Variants in GSK3B observed in about 807,000 individuals in gnomAD.
The protein encoded by GSK3B is glycogen synthase kinase 3 beta.
GSK3B carries 15 observed loss-of-function variants against 56.4 expected under a neutral mutation model. That is an observed-to-expected ratio of 0.27 (90% confidence interval 0.18 to 0.41). GSK3B has a LOEUF of 0.41. GSK3B is among the 10% of genes least tolerant of loss of function. The pLI is 1.00. For synonymous variants in GSK3B, 181 were observed against 188.9 expected (o/e 0.96, Z 0.34); for missense variants, 300 against 513.4 (o/e 0.58, Z 4.02).
intron 1 of GSK3B, among the ~76,000 whole-genome samples, chr3:120,078,116 A>T (rs551035378): frequency 6.6e-6 from 1 of 152,208 alleles, no homozygotes; most frequent in Admixed American, 6.5e-5. Flanking sequence ...ATCTATCATG[A>T]CCACAAACTT....
intron 2 of GSK3B, among the ~76,000 whole-genome samples, chr3:119,954,035 C>A (rs556871079): frequency 1.3e-4 from 20 of 151,992 alleles, no homozygotes; most frequent in Non-Finnish European, 2.8e-4. Flanking sequence ...ACAAACCCTG[C>A]CCAACCAACA....
chr3:119,862,667 G>GTTTT (rs79778347), intron 9 of GSK3B, among the ~76,000 whole-genome samples: 30 of 110,390 alleles, frequency 2.7e-4, no homozygotes, highest in East Asian at 8.3e-4. Flanking sequence ...ACTATTTCTT[G>GTTTT]TTTTTTTTTT....
chr3:119,881,410 ATAT>A (rs2056377294), intron 7 of GSK3B, among the ~76,000 whole-genome samples: 1 of 152,216 alleles, frequency 6.6e-6, no homozygotes, highest in Non-Finnish European at 1.5e-5. Flanking sequence ...CTAATTCTTA[ATAT>A]GAGTTGTAGT....
At chr3:119,855,664 T>C (rs1233234205) in intron 9 of GSK3B, among the ~76,000 whole-genome samples, 3 of 152,050 alleles carry the variant, frequency 2.0e-5, no homozygotes, top group Non-Finnish European at 4.4e-5. Flanking sequence ...AAAGGATGAG[T>C]TCATGTCCTC....
At chr3:119,886,272 C>T (rs2056434838) in intron 7 of GSK3B, among the ~76,000 whole-genome samples, 4 of 151,996 alleles carry the variant, frequency 2.6e-5, no homozygotes, top group Admixed American at 2.0e-4. Context: ...ATGTAAGTGG[C>T]CAACAAACAT....
intron 3 of GSK3B, among the ~76,000 whole-genome samples, chr3:119,938,123 A>G (rs2057013757): frequency 1.3e-5 from 2 of 152,138 alleles, no homozygotes; most frequent in African/African-American, 4.8e-5. Context: ...TTAATTAGTA[A>G]TAAAGAAAAA....
chr3:119,910,773 A>G (rs919707239), intron 6 of GSK3B, among the ~76,000 whole-genome samples: 2 of 152,218 alleles, frequency 1.3e-5, no homozygotes, highest in African/African-American at 4.8e-5. Flanking sequence ...CTGCTTTATC[A>G]ACTACAATTA....
intron 1 of GSK3B, among the ~76,000 whole-genome samples, chr3:120,008,968 A>G (rs1225784995): frequency 6.6e-6 from 1 of 152,240 alleles, no homozygotes; most frequent in Non-Finnish European, 1.5e-5. Flanking sequence ...ATCTACAAAG[A>G]ACTTACACAA....
intron 1 of GSK3B, among the ~76,000 whole-genome samples, chr3:120,080,530 T>G (rs2058410473): frequency 6.6e-6 from 1 of 151,328 alleles, no homozygotes; most frequent in African/African-American, 2.4e-5. Context: ...CAAAAAGAGG[T>G]CTTGTAAAAA....
chr3:119,901,415 T>C (rs2056624135), intron 7 of GSK3B, among the ~76,000 whole-genome samples: 1 of 152,222 alleles, frequency 6.6e-6, no homozygotes, highest in African/African-American at 2.4e-5. Context: ...TGCTTAGAAA[T>C]GATTTTCCAT....
chr3:119,978,503 T>C (rs2057430025), intron 2 of GSK3B, among the ~76,000 whole-genome samples: 1 of 152,184 alleles, frequency 6.6e-6, no homozygotes, highest in African/African-American at 2.4e-5. Context: ...TCTTTAACTC[T>C]TACATTTGGT....
At chr3:119,927,458 G>A (rs930687479) in intron 3 of GSK3B, among the ~76,000 whole-genome samples, 49 of 152,112 alleles carry the variant, frequency 3.2e-4, no homozygotes, top group African/African-American at 1.2e-3. Context: ...ATACCGGCTA[G>A]TTGAACATGA....
At position 120,045,759 on chromosome 3, in the gene GSK3B, T is replaced by A. The variant is rs1387500450; in HGVS notation, c.89-43520A>T. ...GCACCAAGCATTTACTTCCAACATG[T>A]CTACACAAAAAAGTGAACACAAATG... On this transcript the variant is annotated intron_variant, in intron 1 of 10. Transcript: ENST00000264235. Among the ~76,000 whole-genome samples, 5 of 152,176 alleles carry A rather than the reference T, an allele frequency of 3.3e-5. No homozygotes were observed. The South Asian group carries it at 1.0e-3, about 31-fold the overall frequency.
At chr3:120,034,902 C>G (rs2058008767) in intron 1 of GSK3B, among the ~76,000 whole-genome samples, 1 of 151,888 alleles carries the variant, frequency 6.6e-6, no homozygotes, top group South Asian at 2.1e-4. Context: ...AGCTCATGAC[C>G]ACAACATGGC....
intron 2 of GSK3B, among the ~76,000 whole-genome samples, chr3:119,960,498 T>G (rs1180044245): frequency 1.3e-5 from 2 of 152,188 alleles, no homozygotes; most frequent in Non-Finnish European, 2.9e-5. Flanking sequence ...AATCAGTGGA[T>G]TCTATCAATG....
chr3:120,066,918 G>C (rs2058285700), intron 1 of GSK3B, among the ~76,000 whole-genome samples: 1 of 152,108 alleles, frequency 6.6e-6, no homozygotes, highest in Admixed American at 6.5e-5. Context: ...TAGACCAGCG[G>C]TGTCTATTCT....
At chr3:120,054,940 GGT>G (rs1414209286) in intron 1 of GSK3B, among the ~76,000 whole-genome samples, 1 of 152,074 alleles carries the variant, frequency 6.6e-6, no homozygotes, top group Admixed American at 6.5e-5. Context: ...CAAATATCTG[GGT>G]GTCTTTCTTG....
At chr3:120,022,639 A>C (rs1406485759) in intron 1 of GSK3B, among the ~76,000 whole-genome samples, 3 of 152,262 alleles carry the variant, frequency 2.0e-5, no homozygotes, top group Admixed American at 1.3e-4. Context: ...TGCCATTCAA[A>C]TAGGGCAAGT....
chr3:119,956,330 G>T (rs1373175619), intron 2 of GSK3B, among the ~76,000 whole-genome samples: 1 of 152,216 alleles, frequency 6.6e-6, no homozygotes, highest in East Asian at 1.9e-4. Context: ...CCTCAAGGAG[G>T]TGTGGGTGGT....
Sources: gnomAD v4.1 joint callset for allele counts (sites outside exome capture counted in the v4.1 genomes callset) on GRCh38, gnomAD v4.1.1 for gene constraint, MANE v1.5 for transcripts, NCBI Gene and HGNC (gene_info 2026-07-23, HGNC 2026-07-21) for gene names.